PIAS2: variants seen among roughly 807,000 people sequenced by gnomAD.
The protein encoded by PIAS2 is protein inhibitor of activated STAT 2.
A neutral mutation model predicts 69.7 loss-of-function variants in PIAS2; 19 were observed. That is an observed-to-expected ratio of 0.27 (90% CI 0.19 to 0.40). PIAS2 has a LOEUF of 0.40. Among genes scored for constraint, PIAS2 ranks in the 10% least tolerant of loss-of-function variants. PIAS2 has a pLI of 1.00. For synonymous variants in PIAS2, 261 were observed against 263.2 expected (o/e 0.99, Z 0.08); for missense variants, 624 against 757.0 (o/e 0.82, Z 2.06).
intron 1 of PIAS2, among the ~76,000 whole-genome samples, chr18:46,913,017 G>A (rs938703887): frequency 5.3e-5 from 8 of 152,128 alleles, no homozygotes; most frequent in Non-Finnish European, 7.3e-5. Flanking sequence ...ATTTTGTTTC[G>A]AACGTGCTTT....
chr18:46,821,563 C>T (rs560517730), intron 11 of PIAS2, among the ~76,000 whole-genome samples: 2 of 152,164 alleles, frequency 1.3e-5, no homozygotes, highest in South Asian at 4.1e-4. Context: ...GCAATCTTTC[C>T]TGGGAATCAT....
At position 46,807,383 on chromosome 18, in the gene PIAS2, A is replaced by ATATATATATATAT. The variant is rs869149927; in HGVS notation, c.*5049_*5050insATATATATATATA. 1.7e-4 allele frequency: 2 copies of ATATATATATATAT among 11,602 alleles called. No individual in the cohort carries two copies. Among genetic ancestry groups the ATATATATATATAT allele is most frequent in the Non-Finnish European group, 2.7e-4 (2 of 7,456 alleles). 0.7% of individuals were successfully genotyped at this position (11,602 alleles called of 1,614,324 possible). ...TATATATATATATATATATATATAT[A>ATATATATATATAT]TTTTTTTTTTTTTTTTTTTTTTTTT... On this transcript the variant is annotated 3_prime_UTR_variant, in exon 14 of 14. Transcript: ENST00000585916.
At chr18:46,879,255 A>G (rs2051774841) in intron 2 of PIAS2, among the ~76,000 whole-genome samples, 1 of 152,260 alleles carries the variant, frequency 6.6e-6, no homozygotes, top group African/African-American at 2.4e-5. Context: ...GGACTTGGAT[A>G]GACATTTCTC....
intron 2 of PIAS2, among the ~76,000 whole-genome samples, chr18:46,870,192 C>T (rs1360698096): frequency 6.6e-6 from 1 of 152,162 alleles, no homozygotes; most frequent in African/African-American, 2.4e-5. Context: ...ATATTCAGAA[C>T]TCCTTTTCCC....
chr18:46,819,884 C>T (rs2041981220), intron 12 of PIAS2, among the ~76,000 whole-genome samples: 1 of 152,070 alleles, frequency 6.6e-6, no homozygotes, highest in African/African-American at 2.4e-5. Context: ...TTGCAGAAGT[C>T]CTGATACTAA....
chr18:46,901,768 G>A (rs1478201660), intron 1 of PIAS2, among the ~76,000 whole-genome samples: 3 of 152,172 alleles, frequency 2.0e-5, no homozygotes, highest in African/African-American at 7.2e-5. Context: ...ATAGAGGAGA[G>A]CTTCCTCAAT....
intron 3 of PIAS2, among the ~76,000 whole-genome samples, chr18:46,858,769 C>T (rs2048218329): frequency 6.6e-6 from 1 of 152,062 alleles, no homozygotes; most frequent in Non-Finnish European, 1.5e-5. Context: ...GATATTCACA[C>T]ATAAAAAATG....
rs2040921055 is a variant in PIAS2 at position 46,810,393 on chromosome 18, G to C, written c.*2040C>G. ...TTATAAGTCATACCACACAAACCAAGTTAAGTTTTTTCTATCTGATTACAG... is the reference window on the plus strand; with the variant it reads ...TTATAAGTCATACCACACAAACCAACTTAAGTTTTTTCTATCTGATTACAG... On this transcript the variant is annotated 3_prime_UTR_variant, in exon 14 of 14. Transcript: ENST00000585916. 6.6e-6 allele frequency: 1 copy of C among 151,926 alleles called. No homozygotes were observed. The highest frequency in any genetic ancestry group is 6.6e-5 in the Admixed American group (1 of 15,234). The allele number at this position is 151,926 out of a possible 1,614,324, so 9.4% of individuals were successfully genotyped here. A position where few individuals can be genotyped will look rare whatever the true frequency, so the allele number is the denominator to read the frequency against.
In PIAS2 at chr18:46,811,512, T is replaced by A. The variant is rs949032314; in HGVS notation, c.*921A>T. The stretch of plus-strand genomic sequence containing the variant: ...TCCCAAAATCTGCTCTTCTGCTGGC[T>A]CCAAGATATCAATATTTGATAGTGT... On this transcript the variant is annotated 3_prime_UTR_variant, in exon 14 of 14. Coordinates refer to ENST00000585916, the MANE Select transcript of PIAS2 (RefSeq NM_004671.5). The A allele has an allele frequency of 3.9e-5, 6 of 152,178 alleles. No homozygotes were observed. The highest frequency in any genetic ancestry group is 1.4e-4 in the African/African-American group (6 of 41,444). The allele number at this position is 152,178 out of a possible 1,614,324, so 9.4% of individuals were successfully genotyped here.
chr18:46,859,367 G>T (rs1003154898), intron 3 of PIAS2, among the ~76,000 whole-genome samples: 12 of 141,946 alleles, frequency 8.5e-5, no homozygotes, highest in African/African-American at 3.2e-4. Flanking sequence ...GTCAGAGCTT[G>T]CAGTGAGCCA....
intron 2 of PIAS2, among the ~76,000 whole-genome samples, chr18:46,878,057 T>A (rs1017748277): frequency 6.6e-6 from 1 of 152,162 alleles, no homozygotes; most frequent in African/African-American, 2.4e-5. Flanking sequence ...CAGCTCTAAA[T>A]CTATGGATCC....
intron 2 of PIAS2, among the ~76,000 whole-genome samples, chr18:46,885,606 G>A (rs2053041447): frequency 6.6e-6 from 1 of 151,960 alleles, no homozygotes. Context: ...AAGAGGTTCT[G>A]GAATGACATT....
At chr18:46,914,117 G>A (rs189536636) in intron 1 of PIAS2, among the ~76,000 whole-genome samples, 260 of 152,298 alleles carry the variant, frequency 1.7e-3, no homozygotes, top group Non-Finnish European at 3.2e-3. Context: ...CAACACAGAT[G>A]CCATAAATAA....
At chr18:46,901,281 T>C (rs1301881482) in intron 1 of PIAS2, 3 of 396,330 alleles carry the variant, frequency 7.6e-6, no homozygotes, top group Non-Finnish European at 5.0e-6. Flanking sequence ...CCATGGCACA[T>C]GCCTGTACTC....
intron 10 of PIAS2, among the ~76,000 whole-genome samples, chr18:46,828,783 T>C (rs919769981): frequency 1.3e-5 from 2 of 152,220 alleles, no homozygotes; most frequent in Non-Finnish European, 2.9e-5. Context: ...CATACCATAT[T>C]TGTTAACTCA....
intron 2 of PIAS2, among the ~76,000 whole-genome samples, chr18:46,875,669 G>A (rs2051063084): frequency 6.6e-6 from 1 of 152,200 alleles, no homozygotes; most frequent in Non-Finnish European, 1.5e-5. Flanking sequence ...GGCTGTGGAG[G>A]TGAAAGAATT....
At position 46,890,712 on chromosome 18, in the gene PIAS2, G is replaced by A; in HGVS notation, c.367C>T (p.Leu123Phe). Reference protein sequence around the residue: ...SPSSPVGSVLLQDTKPTFEMQ... With the variant: ...SPSSPVGSVLFQDTKPTFEMQ... ...TCAAATGTGGGCTTAGTATCTTGAAGCAGCACAGAACCAACAGGAGAGGAT... is the reference window on the plus strand; with the variant it reads ...TCAAATGTGGGCTTAGTATCTTGAAACAGCACAGAACCAACAGGAGAGGAT... Residue 123 changes from leucine (L) to phenylalanine (F), a missense_variant, in exon 2 of 14, where the codon CTT becomes TTT. Coordinates refer to ENST00000585916, the MANE Select transcript of PIAS2 (RefSeq NM_004671.5). 6.2e-7 allele frequency: 1 copy of A among 1,614,150 alleles called. No individual in the cohort carries two copies. Among genetic ancestry groups the A allele is most frequent in the East Asian group, 2.2e-5 (1 of 44,874 alleles).
intron 12 of PIAS2, chr18:46,818,555 T>C (rs1393237183): frequency 2.1e-6 from 2 of 970,960 alleles, no homozygotes; most frequent in Non-Finnish European, 2.7e-6. Context: ...TATTTTATTA[T>C]AAATTATTAA....
intron 3 of PIAS2, among the ~76,000 whole-genome samples, chr18:46,859,273 A>C (rs1231869151): frequency 6.6e-6 from 1 of 151,832 alleles, no homozygotes; most frequent in Admixed American, 6.6e-5. Context: ...CTAAAAATAC[A>C]AAAAATTAGC....
Sources: allele counts gnomAD v4.1 joint callset (sites outside exome capture counted in the v4.1 genomes callset), GRCh38; gene constraint gnomAD v4.1.1; transcripts MANE v1.5; gene names NCBI Gene and HGNC (gene_info 2026-07-23, HGNC 2026-07-21).